The following POU3F2 variants were observed in gnomAD, a reference collection of about 807,000 sequenced individuals.
POU3F2 encodes POU class 3 homeobox 2, also known as POU domain, class 3, transcription factor 2.
POU3F2 carries 11 observed loss-of-function variants against 33.1 expected under a neutral mutation model. That is an observed-to-expected ratio of 0.33 (90% CI 0.21 to 0.55). POU3F2 has a LOEUF of 0.55. Among genes scored for constraint, POU3F2 ranks in the 20% least tolerant of loss-of-function variants. POU3F2 has a pLI of 0.91. For synonymous variants in POU3F2, 332 were observed against 289.6 expected, an observed-to-expected ratio of 1.15 and a Z score of -1.49; for missense variants, 456 against 620.2, an observed-to-expected ratio of 0.74 and a Z score of 2.81.
rs1769964727 is a variant in POU3F2, at chr6:98,834,703, C to G, written c.-171C>G. On this transcript the variant is annotated 5_prime_UTR_variant, in exon 1 of 1. Coordinates refer to ENST00000328345, the MANE Select transcript of POU3F2 (RefSeq NM_005604.4). ...GAGGCGGCGGCGGCGGCAGCAGCAGCAGTAATAGCAGGAGCAGCAACAGAA... is the reference window on the plus strand; with the variant it reads ...GAGGCGGCGGCGGCGGCAGCAGCAGGAGTAATAGCAGGAGCAGCAACAGAA... 1.1e-5 allele frequency: 8 copies of G among 695,662 alleles called. No homozygotes were observed. In the East Asian group the frequency reaches 2.2e-4, roughly 19 times the overall value. The allele number at this position is 695,662 out of a possible 1,614,324, so 43.1% of individuals were successfully genotyped here. A position where few individuals can be genotyped will look rare whatever the true frequency, so the allele number is the denominator to read the frequency against.
In POU3F2 at chr6:98,838,820, A is replaced by C. The variant is rs770158049; in HGVS notation, c.*2615A>C. ...CATAGTTTGTTCTAATTATTGAAAT[A>C]TCTTTATTTTATTTTTAAAGATAGT... On this transcript the variant is annotated 3_prime_UTR_variant, in exon 1 of 1. Transcript: ENST00000328345. 10 of 156,690 alleles carry C rather than the reference A, an allele frequency of 6.4e-5. No homozygotes were observed. Among genetic ancestry groups the C allele is most frequent in the Non-Finnish European group, 1.3e-4 (9 of 68,070 alleles). The allele number at this position is 156,690 out of a possible 1,614,324, so 9.7% of individuals were successfully genotyped here. A position where few individuals can be genotyped will look rare whatever the true frequency, so the allele number is the denominator to read the frequency against.
Position 98,834,749 on chromosome 6 carries a change from A to G in POU3F2, c.-125A>G, listed in dbSNP as rs1769965618. 9.0e-7 allele frequency: 1 copy of G among 1,105,956 alleles called. No individual in the cohort carries two copies. The highest frequency in any genetic ancestry group is 1.6e-5 in the African/African-American group (1 of 61,188). The allele number at this position is 1,105,956 out of a possible 1,614,324, so 68.5% of individuals were successfully genotyped here. Reference sequence around the variant, plus strand: ...CAGAAGGCGTCGGAGCGGGCGTCGGAGCTGCCCGCTGTGGGAGAGAGAGGA... The same window carrying G: ...CAGAAGGCGTCGGAGCGGGCGTCGGGGCTGCCCGCTGTGGGAGAGAGAGGA... On this transcript the variant is annotated 5_prime_UTR_variant, in exon 1 of 1. Coordinates refer to ENST00000328345, the MANE Select transcript of POU3F2 (RefSeq NM_005604.4).
Position 98,835,257 on chromosome 6 carries a change from T to C in POU3F2, c.384T>C (p.His128=). Residue 128 remains histidine, a synonymous_variant, in exon 1 of 1, where the codon CAT becomes CAC. Coordinates refer to ENST00000328345, the MANE Select transcript of POU3F2 (RefSeq NM_005604.4). This position sits in a 1 kb window ranked among gnomAD's most constrained non-coding sequence, Gnocchi z 9.7. The stretch of plus-strand genomic sequence containing the variant: ...GGCCAGGCGCCCTGCAGCAGCAGCA[T>C]CAGCAGCAGCAACAGCAACAGCAGC... The part of the protein sequence containing the change: ...LHGPGALQQQ[H]QQQQQQQQQQ... 1 of 1,542,212 alleles carries C rather than the reference T, an allele frequency of 6.5e-7. No individual in the cohort carries two copies. The highest frequency in any genetic ancestry group is 8.7e-7 in the Non-Finnish European group (1 of 1,144,210).
rs1295540023 is a variant in POU3F2, at chr6:98,836,233, G to A, written c.*28G>A. ...TCGAGCTGGGGGAGGGGCAGAGCGC[G>A]GGGCTCCCCCTCCCCTTCGGTCCTT... is the stretch of plus-strand genomic sequence containing the variant. On this transcript the variant is annotated 3_prime_UTR_variant, in exon 1 of 1. Coordinates refer to ENST00000328345, the MANE Select transcript of POU3F2 (RefSeq NM_005604.4). The A allele has an allele frequency of 3.9e-6, 6 of 1,547,114 alleles. No individual in the cohort carries two copies. Among genetic ancestry groups the A allele is most frequent in the Admixed American group, 4.7e-5 (2 of 42,366 alleles).
At position 98,835,485 on chromosome 6, in the gene POU3F2, C is replaced by T. The variant is rs1479964268; in HGVS notation, c.612C>T (p.Gly204=). 1.9e-6 allele frequency: 3 copies of T among 1,568,258 alleles called. No homozygotes were observed. The highest frequency in any genetic ancestry group is 8.6e-7 in the Non-Finnish European group (1 of 1,165,002). ...CGGTGAACGGCATGCTGGGCGCCGG[C>T]GGGCAGCCGGCCGGTCTGCACCACC... ...SFTVNGMLGA[G]GQPAGLHHHG... Residue 204 remains glycine, a synonymous_variant, in exon 1 of 1, where the codon GGC becomes GGT. Coordinates refer to ENST00000328345, the MANE Select transcript of POU3F2 (RefSeq NM_005604.4). This position sits in a 1 kb window ranked among gnomAD's most constrained non-coding sequence, Gnocchi z 9.7.
rs1355851597 is a variant in POU3F2, at chr6:98,838,548, C to A, written c.*2343C>A. 1 of 165,978 alleles carries A rather than the reference C, an allele frequency of 6.0e-6. No individual in the cohort carries two copies. The highest frequency in any genetic ancestry group is 1.5e-5 in the Non-Finnish European group (1 of 68,030). 10.3% of individuals were successfully genotyped at this position (165,978 alleles called of 1,614,324 possible). A position where few individuals can be genotyped will look rare whatever the true frequency, so the allele number is the denominator to read the frequency against. ...ATATTTTCATATCATTTTTAAGTGG[C>A]CTGCCTCAATGTATATTTATTTCTT... On this transcript the variant is annotated 3_prime_UTR_variant, in exon 1 of 1. Coordinates refer to ENST00000328345, the MANE Select transcript of POU3F2 (RefSeq NM_005604.4).
At position 98,834,716 on chromosome 6, in the gene POU3F2, A is replaced by G. The variant is rs1769964890; in HGVS notation, c.-158A>G. ...CGGCAGCAGCAGCAGTAATAGCAGGAGCAGCAACAGAAGGCGTCGGAGCGG... is the reference window on the plus strand; with the variant it reads ...CGGCAGCAGCAGCAGTAATAGCAGGGGCAGCAACAGAAGGCGTCGGAGCGG... On this transcript the variant is annotated 5_prime_UTR_variant, in exon 1 of 1. Transcript: ENST00000328345. 4 of 768,390 alleles carry G rather than the reference A, an allele frequency of 5.2e-6. No homozygotes were observed. The highest frequency in any genetic ancestry group is 8.1e-6 in the Non-Finnish European group (4 of 492,870). 47.6% of individuals were successfully genotyped at this position (768,390 alleles called of 1,614,324 possible). A position where few individuals can be genotyped will look rare whatever the true frequency, so the allele number is the denominator to read the frequency against.
In POU3F2 at chr6:98,838,546, G is replaced by A. The variant is rs566556863; in HGVS notation, c.*2341G>A. 6.0e-6 allele frequency: 1 copy of A among 165,680 alleles called. No individual in the cohort carries two copies. Among genetic ancestry groups the A allele is most frequent in the East Asian group, 1.9e-4 (1 of 5,150 alleles). The allele number at this position is 165,680 out of a possible 1,614,324, so 10.3% of individuals were successfully genotyped here. ...AAATATTTTCATATCATTTTTAAGT[G>A]GCCTGCCTCAATGTATATTTATTTC... is the stretch of plus-strand genomic sequence containing the variant. On this transcript the variant is annotated 3_prime_UTR_variant, in exon 1 of 1. Coordinates refer to ENST00000328345, the MANE Select transcript of POU3F2 (RefSeq NM_005604.4).
Position 98,834,862 on chromosome 6 carries a change from G to T in POU3F2, c.-12G>T. 6.3e-7 allele frequency: 1 copy of T among 1,595,394 alleles called. No homozygotes were observed. Among genetic ancestry groups the T allele is most frequent in the East Asian group, 2.3e-5 (1 of 44,064 alleles). On this transcript the variant is annotated 5_prime_UTR_variant, in exon 1 of 1. Transcript: ENST00000328345. Reference sequence around the variant, plus strand: ...TCCTTTAACCGGAGCGCTCAGTCCGGCTCCGAGAGTCATGGCGACCGCAGC... The same window carrying T: ...TCCTTTAACCGGAGCGCTCAGTCCGTCTCCGAGAGTCATGGCGACCGCAGC...
chr6:98,836,247 C>G lies in POU3F2; in HGVS notation c.*42C>G. The G allele has an allele frequency of 6.5e-7, 1 of 1,537,532 alleles. No homozygotes were observed. Among genetic ancestry groups the G allele is most frequent in the Non-Finnish European group, 8.7e-7 (1 of 1,150,796 alleles). ...GGGCAGAGCGCGGGGCTCCCCCTCC[C>G]CTTCGGTCCTTGGCCCTTTCCCGGC... On this transcript the variant is annotated 3_prime_UTR_variant, in exon 1 of 1. Coordinates refer to ENST00000328345, the MANE Select transcript of POU3F2 (RefSeq NM_005604.4).
rs1046745991 is a variant in POU3F2, at chr6:98,834,620, G to A, written c.-254G>A. On this transcript the variant is annotated 5_prime_UTR_variant, in exon 1 of 1. Coordinates refer to ENST00000328345, the MANE Select transcript of POU3F2 (RefSeq NM_005604.4). ...AGAGGGGGGAGCGCCGAGCTAGTCA[G>A]AGAGTGAGCGAGAGCGAGAAGGAGG... The A allele has an allele frequency of 7.5e-6, 4 of 534,080 alleles. No individual in the cohort carries two copies. The African/African-American group carries it at 7.9e-5, about 11-fold the overall frequency. The allele number at this position is 534,080 out of a possible 1,614,324, so 33.1% of individuals were successfully genotyped here.
Position 98,834,943 on chromosome 6 carries a change from C to T in POU3F2, c.70C>T (p.Pro24Ser), listed in dbSNP as rs1366527440. Reference protein sequence around the residue: ...SSASIVHAEPPGGMQQGAGGY... With the variant: ...SSASIVHAEPSGGMQQGAGGY... ...CGCCTCCATCGTGCACGCCGAGCCG[C>T]CCGGCGGCATGCAGCAGGGCGCGGG... The change falls in exon 1 of 1, where the codon CCC (proline) becomes TCC (serine). Residue 24 changes from proline (P) to serine (S), a missense_variant. Physicochemically the swap from Pro to Ser is moderately conservative, Grantham distance 74 (BLOSUM62 -1). This residue lies in a region of POU3F2 where 341 missense variants were observed against 382.4 expected (regional missense o/e 0.89). Transcript: ENST00000328345. 6.3e-7 allele frequency: 1 copy of T among 1,599,720 alleles called. No homozygotes were observed. The highest frequency in any genetic ancestry group is 1.3e-5 in the African/African-American group (1 of 74,796).
rs1391223340 is a variant in POU3F2 at position 98,834,965 on chromosome 6, C to CG, written c.98dup (p.Tyr34LeufsTer127). 2 of 1,598,424 alleles carry CG rather than the reference C, an allele frequency of 1.3e-6. No homozygotes were observed. The highest frequency in any genetic ancestry group is 8.5e-7 in the Non-Finnish European group (1 of 1,178,522). On this transcript the variant is annotated frameshift_variant, in exon 1 of 1. Coordinates refer to ENST00000328345, the MANE Select transcript of POU3F2 (RefSeq NM_005604.4). LOFTEE classifies it high-confidence loss of function. ...CCGCCCGGCGGCATGCAGCAGGGCG[C>CG]GGGGGGCTACCGCGAAGCGCAGAGC...
rs780854227 is a variant in POU3F2 at position 98,835,277 on chromosome 6, A to C, written c.404A>C (p.Gln135Pro). 4.5e-6 allele frequency: 7 copies of C among 1,545,652 alleles called. No individual in the cohort carries two copies. In the African/African-American group the frequency reaches 9.7e-5, roughly 21 times the overall value. ...QQQHQQQQQQQQQQQQQQQQQ... is the reference protein window; with the variant it reads ...QQQHQQQQQQPQQQQQQQQQQ... ...CAGCATCAGCAGCAGCAACAGCAAC[A>C]GCAGCAGCAACAGCAGCAACAGCAG... Residue 135 changes from glutamine (Q) to proline (P), a missense_variant, in exon 1 of 1, where the codon CAG becomes CCG. Gln to Pro is a moderately conservative substitution (Grantham distance 76). This residue lies in a region of POU3F2 where 341 missense variants were observed against 382.4 expected (regional missense o/e 0.89). Coordinates refer to ENST00000328345, the MANE Select transcript of POU3F2 (RefSeq NM_005604.4). This position sits in a 1 kb window ranked among gnomAD's most constrained non-coding sequence, Gnocchi z 9.7.
In POU3F2 at chr6:98,836,344, C is replaced by CG. The variant is rs1769999105; in HGVS notation, c.*139_*140insG. On this transcript the variant is annotated 3_prime_UTR_variant, in exon 1 of 1. Coordinates refer to ENST00000328345, the MANE Select transcript of POU3F2 (RefSeq NM_005604.4). ...ATTATTTCCCCGTCCCTTAAAAAGA[C>CG]AAAAAAAATAAGGCAAAAGGAAAGC... 2.9e-6 allele frequency: 3 copies of CG among 1,022,304 alleles called. No homozygotes were observed. The highest frequency in any genetic ancestry group is 4.0e-6 in the Non-Finnish European group (3 of 753,882). 63.3% of individuals were successfully genotyped at this position (1,022,304 alleles called of 1,614,324 possible).
chr6:98,834,756 C>T lies in POU3F2; in HGVS notation c.-118C>T, dbSNP rs552686016. 3 of 1,190,898 alleles carry T rather than the reference C, an allele frequency of 2.5e-6. No homozygotes were observed. Among genetic ancestry groups the T allele is most frequent in the African/African-American group, 3.2e-5 (2 of 62,706 alleles). The allele number at this position is 1,190,898 out of a possible 1,614,324, so 73.8% of individuals were successfully genotyped here. On this transcript the variant is annotated 5_prime_UTR_variant, in exon 1 of 1. Coordinates refer to ENST00000328345, the MANE Select transcript of POU3F2 (RefSeq NM_005604.4). Reference sequence around the variant, plus strand: ...CGTCGGAGCGGGCGTCGGAGCTGCCCGCTGTGGGAGAGAGAGGAGACAGAA... The same window carrying T: ...CGTCGGAGCGGGCGTCGGAGCTGCCTGCTGTGGGAGAGAGAGGAGACAGAA...
chr6:98,834,972 C>T lies in POU3F2; in HGVS notation c.99C>T (p.Gly33=), dbSNP rs756316047. ...GCGGCATGCAGCAGGGCGCGGGGGG[C>T]TACCGCGAAGCGCAGAGCCTGGTGC... ...PPGGMQQGAG[G]YREAQSLVQG... is the part of the protein sequence containing the mutation. Residue 33 remains glycine, a synonymous_variant, in exon 1 of 1, where the codon GGC becomes GGT. Transcript: ENST00000328345. The T allele has an allele frequency of 2.5e-6, 4 of 1,599,014 alleles. No individual in the cohort carries two copies. The East Asian group carries it at 6.7e-5, about 27-fold the overall frequency.
In POU3F2 at chr6:98,838,958, A is replaced by G. The variant is rs1047823405; in HGVS notation, c.*2753A>G. The G allele has an allele frequency of 2.0e-5, 3 of 151,294 alleles. No homozygotes were observed. Among genetic ancestry groups the G allele is most frequent in the African/African-American group, 7.3e-5 (3 of 41,180 alleles). The allele number at this position is 151,294 out of a possible 1,614,324, so 9.4% of individuals were successfully genotyped here. A position where few individuals can be genotyped will look rare whatever the true frequency, so the allele number is the denominator to read the frequency against. On this transcript the variant is annotated 3_prime_UTR_variant, in exon 1 of 1. Transcript: ENST00000328345. ...AAGTTTTGGAATAAATTTTATGCAT[A>G]TACTGCCAGATTTGATGTTCATAAC...
In POU3F2 at chr6:98,835,572, G is replaced by T. The variant is rs778590439; in HGVS notation, c.699G>T (p.Ser233=). 3 of 1,598,010 alleles carry T rather than the reference G, an allele frequency of 1.9e-6. No individual in the cohort carries two copies. The South Asian group carries it at 3.3e-5, about 18-fold the overall frequency. The part of the protein sequence containing the change: ...HHADHHPHPH[S]HPHQQPPPPP... ...CCGACCACCACCCGCACCCGCACTC[G>T]CACCCACACCAGCAGCCGCCGCCCC... is the stretch of plus-strand genomic sequence containing the variant. The change falls in exon 1 of 1, where the codon TCG becomes TCT. Residue 233 remains serine, a synonymous_variant. Coordinates refer to ENST00000328345, the MANE Select transcript of POU3F2 (RefSeq NM_005604.4). This position sits in a 1 kb window ranked among gnomAD's most constrained non-coding sequence, Gnocchi z 9.7.
Sources: allele counts gnomAD v4.1 joint callset, GRCh38; gene constraint gnomAD v4.1.1; regional missense constraint gnomAD v4.1.1; non-coding constraint Gnocchi (gnomAD v3.1); transcripts MANE v1.5; gene names NCBI Gene and HGNC (gene_info 2026-07-23, HGNC 2026-07-21).